The following MIR2052HG variants were observed in gnomAD, a reference collection of about 807,000 sequenced individuals.
The protein encoded by MIR2052HG is MIR2052 host gene.
intron 2 of MIR2052HG, among the ~76,000 whole-genome samples, chr8:74,663,234 A>G (rs1416433402): frequency 1.3e-5 from 2 of 152,170 alleles, no homozygotes; most frequent in Admixed American, 6.5e-5. Flanking sequence ...CCCAGGGGAA[A>G]AAAAGAGCAT....
chr8:74,649,701 G>T (rs547974651), intron 2 of MIR2052HG, among the ~76,000 whole-genome samples: 1 of 151,948 alleles, frequency 6.6e-6, no homozygotes, highest in Non-Finnish European at 1.5e-5. Context: ...TACCTATTTA[G>T]TGTCACTGTG....
intron 2 of MIR2052HG, among the ~76,000 whole-genome samples, chr8:74,643,733 G>C (rs1808663796): frequency 6.6e-6 from 1 of 152,054 alleles, no homozygotes; most frequent in Non-Finnish European, 1.5e-5. Context: ...AGTTTCCCTT[G>C]TACGGACAGC....
intron 2 of MIR2052HG, among the ~76,000 whole-genome samples, chr8:74,673,999 T>A (rs1452095434): frequency 1.3e-5 from 2 of 150,588 alleles, no homozygotes; most frequent in Non-Finnish European, 3.0e-5. Context: ...AGCCTTTTTT[T>A]ATGTTTTTTT....
At chr8:74,603,232 T>G (rs537619100) in intron 1 of MIR2052HG, 1 of 1,274,830 alleles carries the variant, frequency 7.8e-7, no homozygotes, top group South Asian at 1.2e-5. Flanking sequence ...ACTACACAGA[T>G]GGATCATGGG....
Position 74,647,321 on chromosome 8 carries a change from T to A in MIR2052HG, n.216+34381T>A, listed in dbSNP as rs139939764. 6.6e-4 allele frequency among the ~76,000 whole-genome samples: 100 copies of A among 152,336 alleles called. No individual in the cohort carries two copies. The Middle Eastern group carries it at 0.014, about 21-fold the overall frequency. On this transcript the variant is annotated intron_variant and non_coding_transcript_variant, in intron 2 of 6. Coordinates refer to ENST00000523442, the Ensembl canonical transcript of MIR2052HG. ...TCCAATATTTGACTCTGGTTCAGTC[T>A]CCAGTTGCTTTAACTGTGAAATGGA...
chr8:74,675,090 A>G (rs1420879164), intron 2 of MIR2052HG, among the ~76,000 whole-genome samples: 2 of 152,088 alleles, frequency 1.3e-5, no homozygotes, highest in African/African-American at 2.4e-5. Context: ...CGTATGTACC[A>G]GATACTTATC....
chr8:74,722,561 T>C (rs1455817567), intron 4 of MIR2052HG, among the ~76,000 whole-genome samples: 10 of 152,230 alleles, frequency 6.6e-5, no homozygotes, highest in African/African-American at 2.4e-4. Context: ...CTCTTTTTCA[T>C]AGAAATATTT....
At chr8:74,732,156 C>T (rs1460764946) in intron 4 of MIR2052HG, among the ~76,000 whole-genome samples, 1 of 152,126 alleles carries the variant, frequency 6.6e-6, no homozygotes, top group East Asian at 1.9e-4. Flanking sequence ...AAAAACACTA[C>T]AGCAAAACAT....
At chr8:74,603,319 G>A in intron 1 of MIR2052HG, 2 of 1,606,174 alleles carry the variant, frequency 1.2e-6, no homozygotes, top group South Asian at 1.1e-5. Flanking sequence ...CGTCTCCGAG[G>A]AAAGCCTGAC....
chr8:74,685,762 C>G lies in MIR2052HG; in HGVS notation n.217-16617C>G, dbSNP rs116416199. Among the ~76,000 whole-genome samples the G allele has an allele frequency of 5.3e-3, 805 of 152,148 alleles. 7 individuals carry two copies. Among genetic ancestry groups the G allele is most frequent in the African/African-American group, 0.018 (741 of 41,530 alleles). On this transcript the variant is annotated intron_variant and non_coding_transcript_variant, in intron 2 of 6. Coordinates refer to ENST00000523442, the Ensembl canonical transcript of MIR2052HG. Reference sequence around the variant, plus strand: ...CATTATTTTATGTGAATGACCAAGACTGAGTGTACAGGATGTAATCAAAGT... The same window carrying G: ...CATTATTTTATGTGAATGACCAAGAGTGAGTGTACAGGATGTAATCAAAGT...
intron 1 of MIR2052HG, among the ~76,000 whole-genome samples, chr8:74,600,218 G>A (rs1413354311): frequency 4.6e-5 from 7 of 152,010 alleles, no homozygotes; most frequent in South Asian, 2.1e-4. Flanking sequence ...GCTGTAGACT[G>A]GAGCTGTTCC....
chr8:74,661,714 A>T (rs1250013932), intron 2 of MIR2052HG, among the ~76,000 whole-genome samples: 2 of 152,164 alleles, frequency 1.3e-5, no homozygotes, highest in African/African-American at 2.4e-5. Context: ...AATGGCATTC[A>T]TCTGAACCAA....
intron 4 of MIR2052HG, among the ~76,000 whole-genome samples, chr8:74,707,945 A>G (rs1006254986): frequency 4.6e-5 from 7 of 152,130 alleles, no homozygotes; most frequent in African/African-American, 1.7e-4. Flanking sequence ...TATGATGCAA[A>G]CAGTGAAAAG....
At chr8:74,613,755 G>A (rs1322108935) in intron 2 of MIR2052HG, among the ~76,000 whole-genome samples, 1 of 152,210 alleles carries the variant, frequency 6.6e-6, no homozygotes, top group Non-Finnish European at 1.5e-5. Flanking sequence ...CCAAAGTGCT[G>A]AGATTACCGG....
chr8:74,680,319 A>G (rs1441540029), intron 2 of MIR2052HG, among the ~76,000 whole-genome samples: 1 of 152,190 alleles, frequency 6.6e-6, no homozygotes, highest in Non-Finnish European at 1.5e-5. Context: ...AATCATGTTC[A>G]TTGATAGAAA....
At chr8:74,637,905 T>C (rs2128734999) in intron 2 of MIR2052HG, among the ~76,000 whole-genome samples, 1 of 152,320 alleles carries the variant, frequency 6.6e-6, no homozygotes, top group East Asian at 1.9e-4. Flanking sequence ...ATGCCTTCTA[T>C]GTGCCAGAAT....
intron 2 of MIR2052HG, among the ~76,000 whole-genome samples, chr8:74,636,614 C>T (rs1808584269): frequency 6.6e-6 from 1 of 152,040 alleles, no homozygotes; most frequent in Admixed American, 6.6e-5. Context: ...TGTCTTTCAC[C>T]ATTTTATGGC....
intron 2 of MIR2052HG, among the ~76,000 whole-genome samples, chr8:74,667,187 G>A (rs1356579677): frequency 1.3e-5 from 2 of 152,192 alleles, no homozygotes; most frequent in Non-Finnish European, 2.9e-5. Flanking sequence ...AGGCCAGAGA[G>A]GAGGGGTATG....
intron 2 of MIR2052HG, chr8:74,632,510 T>C (rs1808525582): frequency 6.6e-6 from 1 of 151,864 alleles, no homozygotes; most frequent in African/African-American, 2.4e-5. Flanking sequence ...TACCTAGGGA[T>C]TGAAAAAAAA....
Sources: gnomAD v4.1 joint callset for allele counts (sites outside exome capture counted in the v4.1 genomes callset) on GRCh38, gnomAD v4.1.1 for gene constraint, MANE v1.5 for transcripts, NCBI Gene and HGNC (gene_info 2026-07-23, HGNC 2026-07-21) for gene names.